Variants in PHKB observed in about 807,000 individuals in gnomAD.
PHKB encodes phosphorylase b kinase regulatory subunit beta.
Under a neutral mutation model 152.1 loss-of-function variants are expected in PHKB, and 122 were observed. That is an observed-to-expected ratio of 0.80 (90% CI 0.69 to 0.93). PHKB has a LOEUF of 0.93. Ranked by LOEUF, PHKB falls within the 40% of genes least tolerant of loss-of-function variation. The pLI is 0.00. For synonymous variants in PHKB, 436 were observed against 464.9 expected (o/e 0.94, Z 0.80); for missense variants, 1,304 against 1,328.4 (o/e 0.98, Z 0.29).
chr16:47,695,036 A>C (rs1406201618), intron 28 of PHKB, among the ~76,000 whole-genome samples: 1 of 152,222 alleles, frequency 6.6e-6, no homozygotes, highest in African/African-American at 2.4e-5. Context: ...CTTTGTTATT[A>C]GTATTCCAGT....
At chr16:47,566,671 C>A in intron 7 of PHKB, 1 of 866,684 alleles carries the variant, frequency 1.2e-6, no homozygotes, top group Non-Finnish European at 2.0e-6. Context: ...GCCCCTGGAG[C>A]AGTGGGAAGG....
chr16:47,690,443 A>G (rs1486292653), intron 27 of PHKB, among the ~76,000 whole-genome samples: 2 of 152,238 alleles, frequency 1.3e-5, no homozygotes, highest in Admixed American at 6.5e-5. Flanking sequence ...TGTATGGCAA[A>G]AAGTAGACAA....
At chr16:47,493,238 G>A (rs1237633614) in intron 1 of PHKB, among the ~76,000 whole-genome samples, 2 of 152,200 alleles carry the variant, frequency 1.3e-5, no homozygotes, top group Admixed American at 1.3e-4. Flanking sequence ...GGGGGGAAGG[G>A]AAGAGCAGTT....
In PHKB at chr16:47,689,018, A is replaced by C; in HGVS notation, c.2631-23A>C. ...ATTTTATTTCAAGAGTTATTGATTC[A>C]TGCTTCCCCTGTTTTGTTTCAGGTG... On this transcript the variant is annotated intron_variant, in intron 26 of 30. Coordinates refer to ENST00000323584, the MANE Select transcript of PHKB (RefSeq NM_000293.3). 3 of 1,613,506 alleles carry C rather than the reference A, an allele frequency of 1.9e-6. 1 individual carries two copies. Among genetic ancestry groups the C allele is most frequent in the Non-Finnish European group, 8.5e-7 (1 of 1,179,512 alleles).
chr16:47,471,021 A>C (rs1969757517), intron 1 of PHKB, among the ~76,000 whole-genome samples: 1 of 152,176 alleles, frequency 6.6e-6, no homozygotes, highest in African/African-American at 2.4e-5. Context: ...GTCAATGCAC[A>C]CTATTGTTGC....
rs569662938 is a variant in PHKB at position 47,463,799 on chromosome 16, G to T, written c.76+2373G>T. 6.2e-5 allele frequency: 47 copies of T among 758,566 alleles called. No individual in the cohort carries two copies. The South Asian group carries it at 6.8e-4, about 11-fold the overall frequency. The allele number at this position is 758,566 out of a possible 1,614,324, so 47.0% of individuals were successfully genotyped here. ...ATAATGATCCTCAGTTACTGCCTTT[G>T]TTGCATACTGCATCATGTTAATAAC... On this transcript the variant is annotated intron_variant, in intron 1 of 30. Transcript: ENST00000323584.
At chr16:47,575,023 A>C (rs1052034680) in intron 7 of PHKB, among the ~76,000 whole-genome samples, 2 of 152,166 alleles carry the variant, frequency 1.3e-5, no homozygotes, top group Admixed American at 1.3e-4. Context: ...TTTTTCTTTC[A>C]CCATCAAGTA....
At chr16:47,516,134 G>A (rs948874729) in intron 6 of PHKB, among the ~76,000 whole-genome samples, 3 of 151,982 alleles carry the variant, frequency 2.0e-5, no homozygotes, top group Non-Finnish European at 4.4e-5. Context: ...CACCATGTTG[G>A]CCAAGGCAGT....
At chr16:47,522,693 C>T (rs2151656386) in intron 6 of PHKB, among the ~76,000 whole-genome samples, 1 of 151,776 alleles carries the variant, frequency 6.6e-6, no homozygotes, top group East Asian at 1.9e-4. Context: ...ATAAATTTCC[C>T]TCTACTTATC....
At chr16:47,484,623 G>A (rs935045018) in intron 1 of PHKB, among the ~76,000 whole-genome samples, 3 of 152,158 alleles carry the variant, frequency 2.0e-5, no homozygotes, top group African/African-American at 7.2e-5. Context: ...CACATGTACA[G>A]TTTGTCTTCA....
chr16:47,699,352 TGTCTGATTAGCTA>T lies in PHKB; in HGVS notation c.3271_*1del. ...AGTCAAGCCAAACAATGATGACCCG[TGTCTGATTAGCTA>T]GTGGGGAAGGTGTAGGAAGCTCTGT... is the stretch of plus-strand genomic sequence containing the variant. On this transcript the variant is annotated frameshift_variant and stop_lost, in exon 31 of 31. Transcript: ENST00000323584. LOFTEE classifies it high-confidence loss of function. The T allele has an allele frequency of 1.2e-6, 2 of 1,614,178 alleles. No homozygotes were observed. The highest frequency in any genetic ancestry group is 2.2e-5 in the South Asian group (2 of 91,088).
intron 26 of PHKB, among the ~76,000 whole-genome samples, chr16:47,677,656 A>AC (rs1480309704): frequency 6.6e-6 from 1 of 151,910 alleles, no homozygotes; most frequent in Non-Finnish European, 1.5e-5. Flanking sequence ...CCTCCCAAAG[A>AC]CCCCATCTCC....
chr16:47,590,522 A>G (rs1972011332), intron 10 of PHKB: 1 of 152,222 alleles, frequency 6.6e-6, no homozygotes, highest in Admixed American at 6.5e-5. Flanking sequence ...AGGTTGGGCC[A>G]AAAGATCCAT....
At chr16:47,514,646 A>G (rs1489425175) in intron 5 of PHKB, among the ~76,000 whole-genome samples, 2 of 152,198 alleles carry the variant, frequency 1.3e-5, no homozygotes, top group Non-Finnish European at 2.9e-5. Context: ...ATCCTCACAG[A>G]TGTACCCAGA....
chr16:47,682,166 C>T (rs1366756781), intron 26 of PHKB, among the ~76,000 whole-genome samples: 5 of 152,164 alleles, frequency 3.3e-5, no homozygotes, highest in South Asian at 2.1e-4. Context: ...GTGGGTTACC[C>T]GACCTTTCTC....
intron 16 of PHKB, among the ~76,000 whole-genome samples, chr16:47,647,383 C>A (rs1973149941): frequency 6.6e-6 from 1 of 152,192 alleles, no homozygotes; most frequent in Non-Finnish European, 1.5e-5. Context: ...CTCAGCCTCC[C>A]AAAGTTTTGG....
intron 16 of PHKB, among the ~76,000 whole-genome samples, chr16:47,644,765 A>G (rs1045329398): frequency 6.6e-6 from 1 of 152,226 alleles, no homozygotes; most frequent in Admixed American, 6.5e-5. Context: ...AGGGAAGTCC[A>G]TTTTTAGAAT....
chr16:47,541,821 C>T (rs973973767), intron 6 of PHKB, among the ~76,000 whole-genome samples: 1 of 151,804 alleles, frequency 6.6e-6, no homozygotes, highest in African/African-American at 2.4e-5. Context: ...CTGTTCATAT[C>T]CTTTGCCCAC....
At chr16:47,696,232 A>G (rs1974144422) in intron 28 of PHKB, 149 bp from the exon 29 acceptor site, 6 of 684,980 alleles carry the variant, frequency 8.8e-6, no homozygotes, top group Non-Finnish European at 1.6e-5. Flanking sequence ...GTAGTTTGAC[A>G]TATATAAAAT....
Sources: gnomAD v4.1 joint callset for allele counts (sites outside exome capture counted in the v4.1 genomes callset) on GRCh38, gnomAD v4.1.1 for gene constraint, MANE v1.5 for transcripts, NCBI Gene and HGNC (gene_info 2026-07-23, HGNC 2026-07-21) for gene names.